LRP8: variants seen among roughly 807,000 people sequenced by gnomAD.
The protein encoded by LRP8 is low-density lipoprotein receptor-related protein 8.
A neutral mutation model predicts 111.6 loss-of-function variants in LRP8; 46 were observed. That is an observed-to-expected ratio of 0.41 (90% CI 0.33 to 0.53). The LOEUF (loss-of-function observed/expected upper bound fraction) is 0.53. Ranked by LOEUF, LRP8 falls within the 20% of genes least tolerant of loss-of-function variation. The pLI, the probability that LRP8 is intolerant of heterozygous loss-of-function variation, is 0.20. For synonymous variants in LRP8, 464 were observed against 511.2 expected, an observed-to-expected ratio of 0.91 and a Z score of 1.24; for missense variants, 959 against 1,297.4, an observed-to-expected ratio of 0.74 and a Z score of 4.01.
At chr1:53,261,924 C>T (rs1291938599) in intron 12 of LRP8, 144 bp downstream of exon 12, 6 of 1,008,492 alleles carry the variant, frequency 5.9e-6, no homozygotes, top group East Asian at 2.6e-5. Context: ...GTGCAGGCAG[C>T]TCACAGATTG....
intron 1 of LRP8, 86 bp downstream of exon 1, chr1:53,327,703 G>A: frequency 7.4e-7 from 1 of 1,351,100 alleles, no homozygotes. Context: ...CCCGGGTTCT[G>A]GACCCCTCCC....
chr1:53,325,950 A>C (rs1259313147), intron 2 of LRP8, among the ~76,000 whole-genome samples: 1 of 152,228 alleles, frequency 6.6e-6, no homozygotes, highest in African/African-American at 2.4e-5. Context: ...CTGCCTGCTA[A>C]CTAGCTCCCG....
rs1645669703 is a variant in LRP8 at position 53,243,016 on chromosome 1, A to C, written c.*4002T>G. Reference sequence around the variant, plus strand: ...TTTTTAACTGAAAAATTGAAGCAGTAATTCTTTAACCTTCTAAATTCTCCA... The same window carrying C: ...TTTTTAACTGAAAAATTGAAGCAGTCATTCTTTAACCTTCTAAATTCTCCA... On this transcript the variant is annotated 3_prime_UTR_variant, in exon 19 of 19. Transcript: ENST00000306052. 1 of 152,146 alleles carries C rather than the reference A, an allele frequency of 6.6e-6. No homozygotes were observed. Among genetic ancestry groups the C allele is most frequent in the Non-Finnish European group, 1.5e-5 (1 of 68,032 alleles). 9.4% of individuals were successfully genotyped at this position (152,146 alleles called of 1,614,324 possible).
At chr1:53,272,970 C>T (rs1175089509) in intron 6 of LRP8, among the ~76,000 whole-genome samples, 1 of 152,114 alleles carries the variant, frequency 6.6e-6, no homozygotes, top group Non-Finnish European at 1.5e-5. Flanking sequence ...GTGGGATGGC[C>T]CTGAAAGGGG....
At chr1:53,271,204 G>A (rs772710086) in intron 7 of LRP8, 23 bp downstream of exon 7, 2 of 1,613,940 alleles carry the variant, frequency 1.2e-6, no homozygotes, top group African/African-American at 1.3e-5. Context: ...GCTTCTGCTT[G>A]GGGGTGTGGG....
intron 2 of LRP8, among the ~76,000 whole-genome samples, chr1:53,313,198 G>C (rs78633020): frequency 2.5e-4 from 38 of 152,306 alleles, no homozygotes; most frequent in African/African-American, 9.1e-4. Context: ...CCCAGGGCGT[G>C]GCCTGCTTTC....
intron 16 of LRP8, among the ~76,000 whole-genome samples, chr1:53,252,101 G>A (rs1645917047): frequency 6.6e-6 from 1 of 151,124 alleles, no homozygotes; most frequent in African/African-American, 2.4e-5. Flanking sequence ...AAACCAAACT[G>A]TTATTAACAG....
In LRP8 at chr1:53,258,316, T is replaced by G. The variant is rs1458673170; in HGVS notation, c.2209+3A>C. 6.2e-7 allele frequency: 1 copy of G among 1,613,296 alleles called. No individual in the cohort carries two copies. ...GGCCATCCCTCCTGGAAGGTCTGCTTACCTCGGTAGCACCTCTTCATGTCT... is the reference window on the plus strand; with the variant it reads ...GGCCATCCCTCCTGGAAGGTCTGCTGACCTCGGTAGCACCTCTTCATGTCT... On this transcript the variant is annotated splice_donor_region_variant and intron_variant, in intron 14 of 18. Transcript: ENST00000306052.
chr1:53,293,424 C>T lies in LRP8; in HGVS notation c.245-3735G>A, dbSNP rs146899633. The stretch of plus-strand genomic sequence containing the variant: ...TGGCTCTGGCCTGGCACCTTTCACC[C>T]AATATCCCAGTGACTCCTCACAGCT... On this transcript the variant is annotated intron_variant, in intron 2 of 18. Transcript: ENST00000306052. The surrounding 1 kb of genome is among the most constrained non-coding windows in gnomAD (Gnocchi z 4.9). Among the ~76,000 whole-genome samples, 56 of 152,344 alleles carry T rather than the reference C, an allele frequency of 3.7e-4. No homozygotes were observed. The highest frequency in any genetic ancestry group is 1.2e-3 in the African/African-American group (48 of 41,574).
At chr1:53,318,963 CTA>C (rs1200471426) in intron 2 of LRP8, among the ~76,000 whole-genome samples, 1 of 152,122 alleles carries the variant, frequency 6.6e-6, no homozygotes, top group Non-Finnish European at 1.5e-5. Context: ...TCTTTATTAA[CTA>C]TGTTTTTCAT....
chr1:53,317,183 G>A lies in LRP8; in HGVS notation c.244+9690C>T, dbSNP rs1653923345. Reference sequence around the variant, plus strand: ...TGGGGGAGGGAGGGAGGGGAGGAGTGCTGGCTTGAATGTCCCTGGATTCAG... The same window carrying A: ...TGGGGGAGGGAGGGAGGGGAGGAGTACTGGCTTGAATGTCCCTGGATTCAG... On this transcript the variant is annotated intron_variant, in intron 2 of 18. Transcript: ENST00000306052. This position sits in a 1 kb window ranked among gnomAD's most constrained non-coding sequence, Gnocchi z 4.9. Among the ~76,000 whole-genome samples, 1 of 152,164 alleles carries A rather than the reference G, an allele frequency of 6.6e-6. No individual in the cohort carries two copies. The highest frequency in any genetic ancestry group is 2.4e-5 in the African/African-American group (1 of 41,436).
chr1:53,264,526 T>TA, intron 9 of LRP8, 130 bp from the exon 10 acceptor site: 1 of 736,702 alleles, frequency 1.4e-6, no homozygotes, highest in Non-Finnish European at 2.3e-6. Flanking sequence ...CGTGGATAAT[T>TA]TCCACTCTAC....
chr1:53,313,831 G>A (rs1653423776), intron 2 of LRP8, among the ~76,000 whole-genome samples: 1 of 152,218 alleles, frequency 6.6e-6, no homozygotes, highest in Non-Finnish European at 1.5e-5. Context: ...GGGCGTCACT[G>A]CAGAAGCTGA....
chr1:53,250,944 C>T lies in LRP8; in HGVS notation c.2504-82G>A, dbSNP rs1170451517. 1 of 1,169,988 alleles carries T rather than the reference C, an allele frequency of 8.5e-7. No individual in the cohort carries two copies. Among genetic ancestry groups the T allele is most frequent in the Non-Finnish European group, 1.3e-6 (1 of 792,394 alleles). The allele number at this position is 1,169,988 out of a possible 1,614,324, so 72.5% of individuals were successfully genotyped here. Reference sequence around the variant, plus strand: ...CATCTGTACAAGGCTTGTCACCACTCCACTTTTACTACCCTTTGCTCCTCA... The same window carrying T: ...CATCTGTACAAGGCTTGTCACCACTTCACTTTTACTACCCTTTGCTCCTCA... On this transcript the variant is annotated intron_variant, in intron 16 of 18. Coordinates refer to ENST00000306052, the MANE Select transcript of LRP8 (RefSeq NM_004631.5). This position sits in a 1 kb window ranked among gnomAD's most constrained non-coding sequence, Gnocchi z 4.6.
At chr1:53,278,793 G>A (rs914075718) in intron 4 of LRP8, among the ~76,000 whole-genome samples, 2 of 149,998 alleles carry the variant, frequency 1.3e-5, no homozygotes, top group Admixed American at 6.6e-5. Context: ...TTTTGAGATG[G>A]AGTCTCGCTC....
chr1:53,266,570 G>A lies in LRP8; in HGVS notation c.1330C>T (p.Arg444Cys), dbSNP rs773004205. ...ACATTCTTGAGCATGGGGATGAGGC[G>A]TGAATAGTTCCGCTTCACCAGGTCG... ...RIDLVKRNYSRLIPMLKNVVA... is the reference protein window; with the variant it reads ...RIDLVKRNYSCLIPMLKNVVA... Residue 444 changes from arginine to cysteine, a missense_variant, in exon 9 of 19, where the codon CGC becomes TGC. Physicochemically the swap from Arg to Cys is radical, Grantham distance 180. Coordinates refer to ENST00000306052, the MANE Select transcript of LRP8 (RefSeq NM_004631.5). This position sits in a 1 kb window ranked among gnomAD's most constrained non-coding sequence, Gnocchi z 5.0. 28 of 1,614,074 alleles carry A rather than the reference G, an allele frequency of 1.7e-5. No individual in the cohort carries two copies. The highest frequency in any genetic ancestry group is 1.3e-4 in the African/African-American group (10 of 74,918).
chr1:53,285,303 G>A (rs1488311646), intron 3 of LRP8, among the ~76,000 whole-genome samples: 1 of 152,158 alleles, frequency 6.6e-6, no homozygotes. Flanking sequence ...GGCCCAGAGA[G>A]AGGTCACTGG....
intron 2 of LRP8, among the ~76,000 whole-genome samples, chr1:53,314,125 C>A (rs12063817): frequency 0.044 from 6,710 of 152,288 alleles, 489 homozygotes; most frequent in African/African-American, 0.15. Flanking sequence ...TGCACTCCGG[C>A]CTAGTCCAAG....
In LRP8 at chr1:53,255,285, C is replaced by T. The variant is rs554536861; in HGVS notation, c.2435-100G>A. ...GAACTACCCAACTGCTGCTCATCCT[C>T]ATTCTAAAATGATGATCCTGGCTGT... is the stretch of plus-strand genomic sequence containing the variant. On this transcript the variant is annotated intron_variant, in intron 15 of 18. Transcript: ENST00000306052. 3.3e-5 allele frequency: 32 copies of T among 963,820 alleles called. No individual in the cohort carries two copies. In the African/African-American group the frequency reaches 4.3e-4, roughly 13 times the overall value. The allele number at this position is 963,820 out of a possible 1,614,324, so 59.7% of individuals were successfully genotyped here. A position where few individuals can be genotyped will look rare whatever the true frequency, so the allele number is the denominator to read the frequency against.
Sources: gnomAD v4.1 joint callset for allele counts (sites outside exome capture counted in the v4.1 genomes callset) on GRCh38, gnomAD v4.1.1 for gene constraint, Gnocchi (gnomAD v3.1) non-coding constraint, MANE v1.5 for transcripts, NCBI Gene and HGNC (gene_info 2026-07-23, HGNC 2026-07-21) for gene names.